The following ZRANB3 variants were observed in gnomAD, a reference collection of about 807,000 sequenced individuals.
ZRANB3 encodes zinc finger RANBP2-type containing 3.
Under a neutral mutation model 133.8 loss-of-function variants are expected in ZRANB3, and 125 were observed. The ratio of observed to expected loss-of-function variants is 0.93; its 90% CI spans 0.81 to 1.08. The LOEUF (loss-of-function observed/expected upper bound fraction) is 1.08. ZRANB3 is among the 50% of genes least tolerant of loss of function. The probability of loss-of-function intolerance (pLI) is 0.00; values close to 1 mark genes in which losing one functional copy is unlikely to be tolerated. For missense variants in ZRANB3, 1,229 were observed against 1,275.5 expected, an observed-to-expected ratio of 0.96 and a Z score of 0.56; for synonymous variants, 387 against 432.7, an observed-to-expected ratio of 0.89 and a Z score of 1.31.
At chr2:135,447,954 C>A (rs1176059334) in intron 2 of ZRANB3, among the ~76,000 whole-genome samples, 4 of 152,018 alleles carry the variant, frequency 2.6e-5, no homozygotes, top group African/African-American at 7.2e-5. Context: ...ACTAGAAAGC[C>A]CATTTAGTTA....
At chr2:135,415,736 G>A (rs1558984511) in intron 2 of ZRANB3, among the ~76,000 whole-genome samples, 3 of 152,158 alleles carry the variant, frequency 2.0e-5, no homozygotes, top group Non-Finnish European at 4.4e-5. Flanking sequence ...GAATCCAGCA[G>A]CACATCAAAA....
At chr2:135,236,170 AG>A (rs1324370033) in intron 12 of ZRANB3, among the ~76,000 whole-genome samples, 2 of 152,228 alleles carry the variant, frequency 1.3e-5, no homozygotes, top group Non-Finnish European at 2.9e-5. Flanking sequence ...CCAAATCATG[AG>A]TGAACTCCCA....
chr2:135,356,428 T>G (rs893493748), intron 3 of ZRANB3, among the ~76,000 whole-genome samples: 1 of 152,070 alleles, frequency 6.6e-6, no homozygotes, highest in Non-Finnish European at 1.5e-5. Flanking sequence ...AATAAATATT[T>G]TTAAAGAAAA....
At chr2:135,395,442 CTT>C (rs533900626) in intron 2 of ZRANB3, among the ~76,000 whole-genome samples, 8 of 135,938 alleles carry the variant, frequency 5.9e-5, no homozygotes, top group Non-Finnish European at 4.8e-5. Flanking sequence ...GCAAAGATTT[CTT>C]TTTTTTTTTT....
In ZRANB3 at chr2:135,198,334, C is replaced by T. The variant is rs1693487203; in HGVS notation, c.*2008G>A. On this transcript the variant is annotated 3_prime_UTR_variant, in exon 21 of 21. Coordinates refer to ENST00000264159, the MANE Select transcript of ZRANB3 (RefSeq NM_032143.4). Reference sequence around the variant, plus strand: ...CAGAACCCTTCATCTCAATGTGCCCCACAAGTAATGCAGACCAAATTAGGG... The same window carrying T: ...CAGAACCCTTCATCTCAATGTGCCCTACAAGTAATGCAGACCAAATTAGGG... 1 of 152,166 alleles carries T rather than the reference C, an allele frequency of 6.6e-6. No individual in the cohort carries two copies. Among genetic ancestry groups the T allele is most frequent in the African/African-American group, 2.4e-5 (1 of 41,424 alleles). The allele number at this position is 152,166 out of a possible 1,614,324, so 9.4% of individuals were successfully genotyped here.
chr2:135,247,261 A>G (rs980838270), intron 12 of ZRANB3, among the ~76,000 whole-genome samples: 2 of 152,228 alleles, frequency 1.3e-5, no homozygotes, highest in African/African-American at 2.4e-5. Flanking sequence ...ACAAGCCAAC[A>G]AGAGTCTGTT....
At chr2:135,417,286 A>G (rs1328122348) in intron 2 of ZRANB3, among the ~76,000 whole-genome samples, 2 of 152,146 alleles carry the variant, frequency 1.3e-5, no homozygotes, top group Admixed American at 6.6e-5. Context: ...CAACCCCATC[A>G]AAAAGTGGGC....
At chr2:135,316,983 A>ATATATATATAT (rs1553471634) in intron 6 of ZRANB3, among the ~76,000 whole-genome samples, 3 of 131,472 alleles carry the variant, frequency 2.3e-5, no homozygotes, top group African/African-American at 6.4e-5. Flanking sequence ...AAAAAAAAAA[A>ATATATATATAT]ATATATATAT....
chr2:135,478,158 T>A (rs1042983822), intron 2 of ZRANB3, among the ~76,000 whole-genome samples: 1 of 152,240 alleles, frequency 6.6e-6, no homozygotes. Flanking sequence ...TGCTTAAAAA[T>A]ATATATATAC....
At chr2:135,234,135 G>A (rs1036026797) in intron 12 of ZRANB3, among the ~76,000 whole-genome samples, 12 of 152,228 alleles carry the variant, frequency 7.9e-5, no homozygotes, top group East Asian at 1.9e-4. Flanking sequence ...AAAGGCAGGC[G>A]TTGCAATCCT....
At position 135,497,636 on chromosome 2, in the gene ZRANB3, A is replaced by G. The variant is rs370218523; in HGVS notation, c.161+6693T>C. Among the ~76,000 whole-genome samples, 74 of 152,356 alleles carry G rather than the reference A, an allele frequency of 4.9e-4. No homozygotes were observed. In the South Asian group the frequency reaches 0.015, roughly 32 times the overall value. On this transcript the variant is annotated intron_variant, in intron 2 of 20. Transcript: ENST00000264159. ...TTCCATTAGACAGCACTTATCTAGA[A>G]AGGTATACACATAAAATTACTTGAT...
chr2:135,412,666 T>C (rs994917621), intron 2 of ZRANB3, among the ~76,000 whole-genome samples: 1 of 152,056 alleles, frequency 6.6e-6, no homozygotes, highest in Non-Finnish European at 1.5e-5. Flanking sequence ...CAGTGGGAAT[T>C]ATTATACATC....
chr2:135,443,466 G>A (rs1689881977), intron 2 of ZRANB3, among the ~76,000 whole-genome samples: 1 of 151,804 alleles, frequency 6.6e-6, no homozygotes, highest in African/African-American at 2.4e-5. Flanking sequence ...AAAACAACAT[G>A]GCACATATAT....
rs371175045 is a variant in ZRANB3 at position 135,360,362 on chromosome 2, C to A, written c.181-6734G>T. Among the ~76,000 whole-genome samples, 114 of 151,886 alleles carry A rather than the reference C, an allele frequency of 7.5e-4. 2 individuals carry two copies. The highest frequency in any genetic ancestry group is 3.5e-3 in the Admixed American group (53 of 15,208). On this transcript the variant is annotated intron_variant, in intron 3 of 20. Coordinates refer to ENST00000264159, the MANE Select transcript of ZRANB3 (RefSeq NM_032143.4). Reference sequence around the variant, plus strand: ...TGCGTTTGTACTCCAGCCTGGGCGACAAGAGTGAAACTCCACCTCAAAAAT... The same window carrying A: ...TGCGTTTGTACTCCAGCCTGGGCGAAAAGAGTGAAACTCCACCTCAAAAAT...
intron 2 of ZRANB3, among the ~76,000 whole-genome samples, chr2:135,471,104 C>CTT (rs11443441): frequency 3.6e-4 from 51 of 142,908 alleles, no homozygotes; most frequent in East Asian, 1.8e-3. Flanking sequence ...CCCGGCCTCA[C>CTT]TTTTTTTTTT....
intron 8 of ZRANB3, among the ~76,000 whole-genome samples, chr2:135,305,045 C>T (rs911471758): frequency 1.3e-5 from 2 of 151,974 alleles, no homozygotes; most frequent in Admixed American, 6.6e-5. Context: ...GGTGCGATCT[C>T]GGCTCACTGA....
At chr2:135,369,126 G>A (rs1686062052) in intron 3 of ZRANB3, among the ~76,000 whole-genome samples, 1 of 151,584 alleles carries the variant, frequency 6.6e-6, no homozygotes, top group Non-Finnish European at 1.5e-5. Context: ...TGATAACTTT[G>A]AGTAACAAAA....
intron 10 of ZRANB3, among the ~76,000 whole-genome samples, chr2:135,271,049 G>A (rs1255234023): frequency 6.6e-6 from 1 of 152,206 alleles, no homozygotes; most frequent in Non-Finnish European, 1.5e-5. Flanking sequence ...GAAATTAGGT[G>A]TGGTTGTGGG....
chr2:135,371,905 G>T (rs557147577), intron 3 of ZRANB3, among the ~76,000 whole-genome samples: 1 of 152,236 alleles, frequency 6.6e-6, no homozygotes, highest in East Asian at 1.9e-4. Flanking sequence ...CCCACGCACG[G>T]TGGCTCACAC....
Sources: gnomAD v4.1 joint callset for allele counts (sites outside exome capture counted in the v4.1 genomes callset) on GRCh38, gnomAD v4.1.1 for gene constraint, MANE v1.5 for transcripts, NCBI Gene and HGNC (gene_info 2026-07-23, HGNC 2026-07-21) for gene names.